Variants in ST8SIA1 observed in about 807,000 individuals in gnomAD.
ST8SIA1 encodes ST8 alpha-N-acetyl-neuraminide alpha-2,8-sialyltransferase 1.
A neutral mutation model predicts 35.9 loss-of-function variants in ST8SIA1; 16 were observed. That is an observed-to-expected ratio of 0.45 (90% CI 0.30 to 0.68). The LOEUF is 0.68. Among genes scored for constraint, ST8SIA1 ranks in the 30% least tolerant of loss-of-function variants. The pLI is 0.09. For synonymous variants in ST8SIA1, 170 were observed against 169.6 expected (o/e 1.00, Z -0.02); for missense variants, 383 against 453.6 (o/e 0.84, Z 1.41).
At chr12:22,210,445 T>C (rs945596590) in intron 4 of ST8SIA1, among the ~76,000 whole-genome samples, 128 of 152,300 alleles carry the variant, frequency 8.4e-4, no homozygotes, top group African/African-American at 3.0e-3. Flanking sequence ...CTGTGACCTA[T>C]ATGTGGGTTT....
intron 4 of ST8SIA1, among the ~76,000 whole-genome samples, chr12:22,235,987 T>C (rs569579357): frequency 9.3e-5 from 14 of 151,336 alleles, no homozygotes; most frequent in Non-Finnish European, 7.4e-5. Context: ...ATCTGAAGAG[T>C]CATAGAACTT....
chr12:22,222,727 TAAATA>T (rs1284665601), intron 4 of ST8SIA1, among the ~76,000 whole-genome samples: 2 of 152,042 alleles, frequency 1.3e-5, no homozygotes, highest in African/African-American at 4.8e-5. Flanking sequence ...TTATGATTGA[TAAATA>T]AAATTAGTTT....
At chr12:22,227,793 C>T (rs1865375563) in intron 4 of ST8SIA1, among the ~76,000 whole-genome samples, 1 of 152,186 alleles carries the variant, frequency 6.6e-6, no homozygotes, top group African/African-American at 2.4e-5. Context: ...CCTAGACTTA[C>T]AAAGAATGCC....
At chr12:22,246,374 C>T (rs150968322) in intron 4 of ST8SIA1, among the ~76,000 whole-genome samples, 5 of 152,062 alleles carry the variant, frequency 3.3e-5, no homozygotes, top group Non-Finnish European at 7.4e-5. Context: ...TCTCCTTGTG[C>T]GACACATGGA....
rs1864999022 is a variant in ST8SIA1 at position 22,197,166 on chromosome 12, T to C, written c.*4386A>G. 1.3e-5 allele frequency: 2 copies of C among 152,068 alleles called. No homozygotes were observed. Among genetic ancestry groups the C allele is most frequent in the South Asian group, 2.1e-4 (1 of 4,806 alleles). 9.4% of individuals were successfully genotyped at this position (152,068 alleles called of 1,614,324 possible). ...ACTTCCACCCCTGACGTGTGCCCAA[T>C]AAAAGTCATATAACCTGAGAGTCGA... On this transcript the variant is annotated 3_prime_UTR_variant, in exon 5 of 5. Transcript: ENST00000396037.
chr12:22,241,162 T>A (rs934425415), intron 4 of ST8SIA1, among the ~76,000 whole-genome samples: 11 of 152,100 alleles, frequency 7.2e-5, no homozygotes, highest in Non-Finnish European at 1.2e-4. Flanking sequence ...CCCAGCCAAG[T>A]TTTTATTATT....
rs539730948 is a variant in ST8SIA1 at position 22,206,534 on chromosome 12, A to C, written c.585-4496T>G. Among the ~76,000 whole-genome samples, 5 of 152,334 alleles carry C rather than the reference A, an allele frequency of 3.3e-5. No homozygotes were observed. In the East Asian group the frequency reaches 7.7e-4, roughly 24 times the overall value. The stretch of plus-strand genomic sequence containing the variant: ...GGGTAGGTGTCCAGAAAGCTGGCTC[A>C]GCCCAGGGAAATGGAATTCTCGACT... On this transcript the variant is annotated intron_variant, in intron 4 of 4. Coordinates refer to ENST00000396037, the MANE Select transcript of ST8SIA1 (RefSeq NM_003034.4).
At chr12:22,242,415 C>T (rs1711823225) in intron 4 of ST8SIA1, among the ~76,000 whole-genome samples, 1 of 152,188 alleles carries the variant, frequency 6.6e-6, no homozygotes, top group Non-Finnish European at 1.5e-5. Flanking sequence ...GGACATGTAA[C>T]ATTGGAAGAA....
Position 22,194,970 on chromosome 12 carries a change from G to A in ST8SIA1, c.*6582C>T, listed in dbSNP as rs2120579958. The A allele has an allele frequency of 6.6e-6, 1 of 152,330 alleles. No homozygotes were observed. The highest frequency in any genetic ancestry group is 1.9e-4 in the East Asian group (1 of 5,168). The allele number at this position is 152,330 out of a possible 1,614,324, so 9.4% of individuals were successfully genotyped here. A position where few individuals can be genotyped will look rare whatever the true frequency, so the allele number is the denominator to read the frequency against. On this transcript the variant is annotated 3_prime_UTR_variant, in exon 5 of 5. Transcript: ENST00000396037. ...AGGCTGAGGCGGGCAGATCACCTGA[G>A]GTCAGGAGTTCGGGACCAGCCTGAC...
At chr12:22,239,934 A>G (rs1266316497) in intron 4 of ST8SIA1, among the ~76,000 whole-genome samples, 1 of 152,004 alleles carries the variant, frequency 6.6e-6, no homozygotes, top group Non-Finnish European at 1.5e-5. Flanking sequence ...AATTCACACC[A>G]TTTGGTCTGG....
chr12:22,290,050 T>C (rs1231519893), intron 1 of ST8SIA1, among the ~76,000 whole-genome samples: 1 of 152,168 alleles, frequency 6.6e-6, no homozygotes, highest in African/African-American at 2.4e-5. Flanking sequence ...CTCATACCTT[T>C]AGTGGGGGAA....
chr12:22,214,592 T>C (rs1865214665), intron 4 of ST8SIA1, among the ~76,000 whole-genome samples: 1 of 151,954 alleles, frequency 6.6e-6, no homozygotes, highest in Admixed American at 6.6e-5. Flanking sequence ...TGACAACAAG[T>C]TTGATGTTAA....
In ST8SIA1 at chr12:22,283,079, G is replaced by A. The variant is rs557401776; in HGVS notation, c.381+4070C>T. ...GCTGGGTTTCCCACAGGCCAAGAAC[G>A]CTGCAGGTCCAGGCTCAGTGGAACA... On this transcript the variant is annotated intron_variant, in intron 2 of 4. Transcript: ENST00000396037. Among the ~76,000 whole-genome samples, 26 of 152,238 alleles carry A rather than the reference G, an allele frequency of 1.7e-4. No homozygotes were observed. The South Asian group carries it at 1.9e-3, about 11-fold the overall frequency.
intron 4 of ST8SIA1, among the ~76,000 whole-genome samples, chr12:22,217,425 ATC>A (rs1424538201): frequency 2.0e-5 from 3 of 152,208 alleles, no homozygotes; most frequent in Admixed American, 6.5e-5. Flanking sequence ...AATAGACTGT[ATC>A]TTGGAAAACC....
intron 4 of ST8SIA1, among the ~76,000 whole-genome samples, chr12:22,205,935 T>C (rs1865102703): frequency 6.6e-6 from 1 of 152,078 alleles, no homozygotes; most frequent in African/African-American, 2.4e-5. Flanking sequence ...TTACAGCAAA[T>C]ATAACAAACA....
At chr12:22,227,027 A>G (rs761505088) in intron 4 of ST8SIA1, among the ~76,000 whole-genome samples, 5 of 151,924 alleles carry the variant, frequency 3.3e-5, no homozygotes, top group South Asian at 2.1e-4. Context: ...GCTCACTGCA[A>G]TCTCTGCCTC....
chr12:22,258,666 T>C (rs1865754092), intron 2 of ST8SIA1, among the ~76,000 whole-genome samples: 1 of 152,142 alleles, frequency 6.6e-6, no homozygotes. Context: ...TACATGCACA[T>C]TTGCATATTT....
chr12:22,319,891 A>T (rs1438691264), intron 1 of ST8SIA1, among the ~76,000 whole-genome samples: 1 of 152,182 alleles, frequency 6.6e-6, no homozygotes, highest in Non-Finnish European at 1.5e-5. Context: ...AGAAATTTTT[A>T]AAAAGGCAGT....
At chr12:22,329,495 T>C (rs1036308141) in intron 1 of ST8SIA1, among the ~76,000 whole-genome samples, 1 of 152,240 alleles carries the variant, frequency 6.6e-6, no homozygotes, top group African/African-American at 2.4e-5. Context: ...AACTGTAGCA[T>C]ATTTTCTTGA....
Sources: allele counts gnomAD v4.1 joint callset (sites outside exome capture counted in the v4.1 genomes callset), GRCh38; gene constraint gnomAD v4.1.1; transcripts MANE v1.5; gene names NCBI Gene and HGNC (gene_info 2026-07-23, HGNC 2026-07-21).